Variants in CDK5RAP2 observed in about 807,000 individuals in gnomAD.
The protein encoded by CDK5RAP2 is CDK5 regulatory subunit associated protein 2, also known as CDK5 regulatory subunit-associated protein 2.
CDK5RAP2 carries 147 observed loss-of-function variants against 232.9 expected under a neutral mutation model. The observed-to-expected ratio is 0.63, with a 90% confidence interval of 0.55 to 0.72. The LOEUF is 0.72. Among genes scored for constraint, CDK5RAP2 ranks in the 30% least tolerant of loss-of-function variants. The pLI is 0.00. For missense variants in CDK5RAP2, 2,195 were observed against 2,231.5 expected (o/e 0.98, Z 0.33); for synonymous variants, 833 against 833.7 (o/e 1.00, Z 0.01).
intron 26 of CDK5RAP2, 66 bp from the exon 27 acceptor site, chr9:120,420,026 T>TA: frequency 8.1e-7 from 1 of 1,228,632 alleles, no homozygotes; most frequent in South Asian, 1.2e-5. Flanking sequence ...GACTATGACT[T>TA]ACGAATACTT....
At chr9:120,531,016 A>C (rs1342654825) in intron 7 of CDK5RAP2, among the ~76,000 whole-genome samples, 2 of 152,128 alleles carry the variant, frequency 1.3e-5, no homozygotes, top group Non-Finnish European at 2.9e-5. Context: ...TTTAAAAAAA[A>C]GGAAAAAATA....
intron 4 of CDK5RAP2, among the ~76,000 whole-genome samples, chr9:120,546,333 G>A (rs567476318): frequency 6.6e-6 from 1 of 152,320 alleles, no homozygotes; most frequent in Admixed American, 6.5e-5. Flanking sequence ...ACCACATGGG[G>A]CAAGCTGTCT....
chr9:120,560,731 C>A (rs1280444922), intron 3 of CDK5RAP2, among the ~76,000 whole-genome samples: 1 of 152,176 alleles, frequency 6.6e-6, no homozygotes, highest in Non-Finnish European at 1.5e-5. Flanking sequence ...ATTCTCCTGC[C>A]TTAGCCTCCC....
chr9:120,553,687 T>C (rs1274363190), intron 3 of CDK5RAP2, among the ~76,000 whole-genome samples: 1 of 152,244 alleles, frequency 6.6e-6, no homozygotes, highest in East Asian at 1.9e-4. Context: ...GCTCCTTTTT[T>C]GATAATTCAT....
chr9:120,462,295 C>T (rs545538392), intron 18 of CDK5RAP2, among the ~76,000 whole-genome samples: 1 of 152,216 alleles, frequency 6.6e-6, no homozygotes, highest in African/African-American at 2.4e-5. Flanking sequence ...CCCTCATTAC[C>T]ATAACATTCT....
In CDK5RAP2 at chr9:120,470,223, G is replaced by A. The variant is rs1564264102; in HGVS notation, c.1859-3C>T. The stretch of plus-strand genomic sequence containing the variant: ...ACTATAAAGTGAAAATGATTCTTCT[G>A]CCCAAAAAAGAAAAAAAAAAGGTGG... On this transcript the variant is annotated splice_polypyrimidine_tract_variant and splice_region_variant and intron_variant, in intron 16 of 37. Coordinates refer to ENST00000349780, the MANE Select transcript of CDK5RAP2 (RefSeq NM_018249.6). The A allele has an allele frequency of 2.8e-6, 4 of 1,435,642 alleles. No homozygotes were observed. Among genetic ancestry groups the A allele is most frequent in the East Asian group, 2.3e-5 (1 of 43,436 alleles). 88.9% of individuals were successfully genotyped at this position (1,435,642 alleles called of 1,614,324 possible).
intron 28 of CDK5RAP2, among the ~76,000 whole-genome samples, 180 bp from the exon 29 acceptor site, chr9:120,411,654 G>A (rs953769572): frequency 1.3e-5 from 2 of 152,146 alleles, no homozygotes; most frequent in African/African-American, 2.4e-5. Context: ...GAAAGAGGGG[G>A]CAGGAAGGGC....
intron 3 of CDK5RAP2, among the ~76,000 whole-genome samples, chr9:120,560,441 C>A (rs1468905857): frequency 6.6e-6 from 1 of 152,208 alleles, no homozygotes; most frequent in African/African-American, 2.4e-5. Flanking sequence ...TCTCCACTCA[C>A]TATTGACCAG....
At chr9:120,477,597 A>C in intron 14 of CDK5RAP2, 147 bp from the exon 15 acceptor site, 1 of 697,358 alleles carries the variant, frequency 1.4e-6, no homozygotes. Context: ...CTCAGGCCAC[A>C]GTCAGAGAGC....
intron 22 of CDK5RAP2, 126 bp from the exon 23 acceptor site, chr9:120,443,868 T>C (rs2131352565): frequency 8.3e-7 from 1 of 1,199,626 alleles, no homozygotes; most frequent in Middle Eastern, 2.4e-4. Flanking sequence ...CAAAATGCAA[T>C]TTATAAGATA....
chr9:120,415,342 C>T (rs1309417911), intron 27 of CDK5RAP2, among the ~76,000 whole-genome samples, 183 bp from the exon 28 acceptor site: 1 of 152,238 alleles, frequency 6.6e-6, no homozygotes, highest in Non-Finnish European at 1.5e-5. Flanking sequence ...AGACACACTT[C>T]TGTAATGATT....
At chr9:120,467,631 A>G (rs2037455867) in intron 18 of CDK5RAP2, among the ~76,000 whole-genome samples, 1 of 152,150 alleles carries the variant, frequency 6.6e-6, no homozygotes, top group South Asian at 2.1e-4. Flanking sequence ...ATACATACAT[A>G]TATATGAATA....
At chr9:120,505,552 G>A (rs914969655) in intron 12 of CDK5RAP2, among the ~76,000 whole-genome samples, 3 of 152,196 alleles carry the variant, frequency 2.0e-5, no homozygotes, top group African/African-American at 7.2e-5. Context: ...GCTTAGTGAG[G>A]AAGGCATGTC....
chr9:120,418,177 C>A (rs910430448), intron 27 of CDK5RAP2, among the ~76,000 whole-genome samples: 5 of 152,182 alleles, frequency 3.3e-5, no homozygotes, highest in African/African-American at 1.2e-4. Context: ...GGTGGGCTTA[C>A]TGGGATGACT....
At chr9:120,550,723 ATC>A (rs2042012293) in intron 4 of CDK5RAP2, 67 bp downstream of exon 4, 4 of 909,376 alleles carry the variant, frequency 4.4e-6, no homozygotes, top group Non-Finnish European at 7.5e-6. Flanking sequence ...ACAAATATTA[ATC>A]AAATTTCTGC....
At chr9:120,488,985 T>C (rs1361756292) in intron 13 of CDK5RAP2, among the ~76,000 whole-genome samples, 2 of 152,238 alleles carry the variant, frequency 1.3e-5, no homozygotes, top group Non-Finnish European at 2.9e-5. Flanking sequence ...CATTTGGTGA[T>C]TCCTTTATAC....
At chr9:120,571,352 G>A (rs893947730) in intron 2 of CDK5RAP2, among the ~76,000 whole-genome samples, 4 of 152,142 alleles carry the variant, frequency 2.6e-5, no homozygotes, top group African/African-American at 7.2e-5. Context: ...AAATATCTTA[G>A]AGATATTTTG....
intron 34 of CDK5RAP2, among the ~76,000 whole-genome samples, chr9:120,401,353 G>C (rs1256282422): frequency 2.0e-5 from 3 of 152,048 alleles, no homozygotes; most frequent in Non-Finnish European, 2.9e-5. Context: ...GGTATCAAGG[G>C]CACAAGAAAA....
At chr9:120,425,963 G>A (rs1215134223) in intron 25 of CDK5RAP2, among the ~76,000 whole-genome samples, 1 of 152,196 alleles carries the variant, frequency 6.6e-6, no homozygotes, top group Non-Finnish European at 1.5e-5. Context: ...GGCACACAGA[G>A]GAGACAAACA....
Sources: gnomAD v4.1 joint callset for allele counts (sites outside exome capture counted in the v4.1 genomes callset) on GRCh38, gnomAD v4.1.1 for gene constraint, MANE v1.5 for transcripts, NCBI Gene and HGNC (gene_info 2026-07-23, HGNC 2026-07-21) for gene names.